CCDC187: variants seen among roughly 807,000 people sequenced by gnomAD.
The protein encoded by CCDC187 is coiled-coil domain-containing protein 187.
CCDC187 carries 32 observed loss-of-function variants against 38.0 expected under a neutral mutation model. The observed-to-expected ratio is 0.84, with a 90% CI of 0.64 to 1.13. The LOEUF is 1.13. Ranked by LOEUF, CCDC187 falls within the 50% of genes most tolerant of loss-of-function variation. The probability of loss-of-function intolerance (pLI) is 0.00; values close to 1 mark genes in which losing one functional copy is unlikely to be tolerated. For synonymous variants in CCDC187, 333 were observed against 347.9 expected (o/e 0.96, Z 0.48); for missense variants, 707 against 786.8 (o/e 0.90, Z 1.21).
chr9:136,281,914 T>C (rs1831053597), intron 9 of CCDC187, among the ~76,000 whole-genome samples: 2 of 152,068 alleles, frequency 1.3e-5, no homozygotes, highest in African/African-American at 4.8e-5. Flanking sequence ...GGCCTGAGCA[T>C]GCGTCCCAGC....
rs945909813 is a variant in CCDC187, at chr9:136,294,151, C to A, written c.833-1856G>T. Among the ~76,000 whole-genome samples, 81 of 151,812 alleles carry A rather than the reference C, an allele frequency of 5.3e-4. 1 individual carries two copies. The highest frequency in any genetic ancestry group is 1.8e-3 in the African/African-American group (76 of 41,422). On this transcript the variant is annotated intron_variant, in intron 4 of 25. Coordinates refer to ENST00000638797, the MANE Select transcript of CCDC187 (RefSeq NM_001378188.1). ...TCATACACACGCCCTCACATGCTCT[C>A]ACACACACATTCACTCACACGCTCA...
rs1229884410 is a variant in CCDC187, at chr9:136,253,990, C to T, written c.5838G>A (p.Gly1946=). The part of the protein sequence containing the change: ...ETPVTLQAPP[G]DPGRLAPPVA... ...CTGGAGGTGCCAGCCTGCCTGGGTC[C>T]CCAGGAGGAGCCTGCAGGGTCACCG... Residue 1946 remains glycine, a synonymous_variant, in exon 26 of 26, where the codon GGG becomes GGA. Coordinates refer to ENST00000638797, the MANE Select transcript of CCDC187 (RefSeq NM_001378188.1). 7.1e-6 allele frequency: 7 copies of T among 985,422 alleles called. No homozygotes were observed. The highest frequency in any genetic ancestry group is 8.4e-6 in the Non-Finnish European group (7 of 829,970). The allele number at this position is 985,422 out of a possible 1,614,324, so 61.0% of individuals were successfully genotyped here.
chr9:136,271,006 A>G (rs1554762329), intron 14 of CCDC187, among the ~76,000 whole-genome samples: 1 of 152,258 alleles, frequency 6.6e-6, no homozygotes, highest in South Asian at 2.1e-4. Flanking sequence ...TAATATAACT[A>G]TTCTTGTTCT....
intron 9 of CCDC187, among the ~76,000 whole-genome samples, chr9:136,283,877 A>T (rs1816744821): frequency 6.6e-6 from 1 of 152,194 alleles, no homozygotes; most frequent in East Asian, 1.9e-4. Flanking sequence ...TGCAGGCGAC[A>T]GAGGCGAGGT....
At chr9:136,284,485 A>G (rs947062505) in intron 9 of CCDC187, among the ~76,000 whole-genome samples, 3 of 152,168 alleles carry the variant, frequency 2.0e-5, no homozygotes, top group Admixed American at 6.5e-5. Context: ...CCTGGGAAGC[A>G]GCTGCTCAGG....
Position 136,293,489 on chromosome 9 carries a change from A to T in CCDC187, c.833-1194T>A, listed in dbSNP as rs1344672324. 2.1e-5 allele frequency among the ~76,000 whole-genome samples: 3 copies of T among 145,788 alleles called. No individual in the cohort carries two copies. The East Asian group carries it at 6.3e-4, about 31-fold the overall frequency. On this transcript the variant is annotated intron_variant, in intron 4 of 25. Coordinates refer to ENST00000638797, the MANE Select transcript of CCDC187 (RefSeq NM_001378188.1). ...CTCACATGCTCACACACTCACAAAC[A>T]CATGCTCACACACTCACAAACACAC...
chr9:136,250,685 G>A lies in CCDC187; in HGVS notation c.*2909C>T. ...CATTCCCCACTGGATCCAAACATCT[G>A]CATTCTCAGGTGGGCTGGGCAGGAG... On this transcript the variant is annotated 3_prime_UTR_variant, in exon 26 of 26. Transcript: ENST00000638797. The A allele has an allele frequency of 2.2e-6, 1 of 454,202 alleles. No homozygotes were observed. Among genetic ancestry groups the A allele is most frequent in the Non-Finnish European group, 4.4e-6 (1 of 225,516 alleles). The allele number at this position is 454,202 out of a possible 1,614,324, so 28.1% of individuals were successfully genotyped here.
intron 10 of CCDC187, among the ~76,000 whole-genome samples, chr9:136,280,589 C>T (rs1831019536): frequency 6.6e-6 from 1 of 152,066 alleles, no homozygotes; most frequent in South Asian, 2.1e-4. Context: ...CCAGGTGTGG[C>T]TCCAGGGCCC....
At position 136,253,828 on chromosome 9, in the gene CCDC187, G is replaced by A. The variant is rs904416312; in HGVS notation, c.6000C>T (p.Ala2000=). Reference sequence around the variant, plus strand: ...CCCTGTGGATGGAGGACGGGAGGTCGGCACTGCCGTAGGACAGCAACTCGT... The same window carrying A: ...CCCTGTGGATGGAGGACGGGAGGTCAGCACTGCCGTAGGACAGCAACTCGT... ...PVDELLSYGS[A]DLPSSIHREA... The change falls in exon 26 of 26, where the codon GCC becomes GCT. Residue 2000 remains alanine, a synonymous_variant. Coordinates refer to ENST00000638797, the MANE Select transcript of CCDC187 (RefSeq NM_001378188.1). The A allele has an allele frequency of 1.0e-5, 10 of 985,322 alleles. No individual in the cohort carries two copies. The South Asian group carries it at 1.9e-4, about 19-fold the overall frequency. 61.0% of individuals were successfully genotyped at this position (985,322 alleles called of 1,614,324 possible). A position where few individuals can be genotyped will look rare whatever the true frequency, so the allele number is the denominator to read the frequency against.
At chr9:136,260,565 C>T (rs1830667543) in intron 19 of CCDC187, among the ~76,000 whole-genome samples, 1 of 151,622 alleles carries the variant, frequency 6.6e-6, no homozygotes, top group Non-Finnish European at 1.5e-5. Context: ...CACCCCAGGC[C>T]TGCACTGACC....
chr9:136,299,446 G>A (rs879063478), intron 3 of CCDC187, among the ~76,000 whole-genome samples: 85,461 of 152,016 alleles, frequency 0.56, 24,930 homozygotes, highest in East Asian at 0.87. Flanking sequence ...AGCCCGAAAC[G>A]CCTCCGCTCC....
rs995180975 is a variant in CCDC187 at position 136,292,261 on chromosome 9, C to T, written c.867G>A (p.Lys289=). 2.8e-5 allele frequency: 11 copies of T among 398,696 alleles called. No homozygotes were observed. Among genetic ancestry groups the T allele is most frequent in the Middle Eastern group, 6.2e-4 (1 of 1,614 alleles). 24.7% of individuals were successfully genotyped at this position (398,696 alleles called of 1,614,324 possible). A position where few individuals can be genotyped will look rare whatever the true frequency, so the allele number is the denominator to read the frequency against. ...SELVGVYAWR[K]GQALVRSLLG... ...GCAGCGACCTCACCAGAGCTTGTCCCTTTCTCCAGGCGTAAACACCAACCA... is the reference window on the plus strand; with the variant it reads ...GCAGCGACCTCACCAGAGCTTGTCCTTTTCTCCAGGCGTAAACACCAACCA... Residue 289 remains lysine, a synonymous_variant, in exon 5 of 26, where the codon AAG becomes AAA. Transcript: ENST00000638797.
intron 14 of CCDC187, among the ~76,000 whole-genome samples, chr9:136,268,849 C>T (rs183612948): frequency 6.6e-6 from 1 of 152,292 alleles, no homozygotes; most frequent in Admixed American, 6.5e-5. Flanking sequence ...GGGGAGGAGA[C>T]TTGCGATGCT....
At chr9:136,274,831 A>T (rs1830899879) in intron 13 of CCDC187, 52 bp downstream of exon 13, 1 of 152,480 alleles carries the variant, frequency 6.6e-6, no homozygotes, top group South Asian at 2.1e-4. Flanking sequence ...AGACTCTGCA[A>T]CCTGCATTTC....
chr9:136,262,476 T>A lies in CCDC187; in HGVS notation c.3913-14A>T. The A allele has an allele frequency of 2.0e-6, 2 of 986,214 alleles. No homozygotes were observed. The highest frequency in any genetic ancestry group is 2.4e-6 in the Non-Finnish European group (2 of 830,566). 61.1% of individuals were successfully genotyped at this position (986,214 alleles called of 1,614,324 possible). ...GGGGCTGGAACCCTGTAAGAAATGG[T>A]GCAGGAGAGCCTGGCAAGGCCACCT... On this transcript the variant is annotated splice_polypyrimidine_tract_variant and intron_variant, in intron 18 of 25. Transcript: ENST00000638797.
At chr9:136,281,948 G>A (rs1487009489) in intron 9 of CCDC187, among the ~76,000 whole-genome samples, 1 of 152,174 alleles carries the variant, frequency 6.6e-6, no homozygotes, top group African/African-American at 2.4e-5. Flanking sequence ...CTGAGGTGAA[G>A]CCACCAGCCC....
chr9:136,299,724 G>A (rs1831627472), intron 3 of CCDC187, among the ~76,000 whole-genome samples: 1 of 152,174 alleles, frequency 6.6e-6, no homozygotes, highest in African/African-American at 2.4e-5. Context: ...ACCTGGTGGG[G>A]CCCTTGGCCC....
At chr9:136,262,177 T>C in intron 19 of CCDC187, 134 bp downstream of exon 19, 1 of 785,506 alleles carries the variant, frequency 1.3e-6, no homozygotes, top group Non-Finnish European at 1.5e-6. Context: ...TGGGAGGGGA[T>C]GCCCAGGGCT....
Position 136,264,967 on chromosome 9 carries a change from G to A in CCDC187, c.3735+989C>T, listed in dbSNP as rs1464407086. 6.6e-6 allele frequency among the ~76,000 whole-genome samples: 1 copy of A among 152,198 alleles called. No individual in the cohort carries two copies. Among genetic ancestry groups the A allele is most frequent in the Non-Finnish European group, 1.5e-5 (1 of 68,030 alleles). The stretch of plus-strand genomic sequence containing the variant: ...GGGTCTTGCTATGTTGCCCAGGCCT[G>A]TCTCACATTCCTGGGCTCAAGCGAT... On this transcript the variant is annotated intron_variant, in intron 17 of 25. Coordinates refer to ENST00000638797, the MANE Select transcript of CCDC187 (RefSeq NM_001378188.1). This position sits in a 1 kb window ranked among gnomAD's most constrained non-coding sequence, Gnocchi z 4.3.
Sources: allele counts gnomAD v4.1 joint callset (sites outside exome capture counted in the v4.1 genomes callset), GRCh38; gene constraint gnomAD v4.1.1; non-coding constraint Gnocchi (gnomAD v3.1); transcripts MANE v1.5; gene names NCBI Gene and HGNC (gene_info 2026-07-23, HGNC 2026-07-21).